The following SCUBE1 variants were observed in gnomAD, a reference collection of about 807,000 sequenced individuals.
The protein encoded by SCUBE1 is signal peptide, CUB and EGF-like domain-containing protein 1.
A neutral mutation model predicts 124.4 loss-of-function variants in SCUBE1; 59 were observed. That is an observed-to-expected ratio of 0.47 (90% CI 0.38 to 0.59). SCUBE1 has a LOEUF of 0.59. Ranked by LOEUF, SCUBE1 falls within the 20% of genes least tolerant of loss-of-function variation. The pLI is 0.00. For missense variants in SCUBE1, 1,150 were observed against 1,371.2 expected, an observed-to-expected ratio of 0.84 and a Z score of 2.55; for synonymous variants, 545 against 550.9, an observed-to-expected ratio of 0.99 and a Z score of 0.15.
intron 5 of SCUBE1, among the ~76,000 whole-genome samples, chr22:43,261,771 T>C (rs759943267): frequency 6.6e-6 from 1 of 152,252 alleles, no homozygotes; most frequent in Non-Finnish European, 1.5e-5. Context: ...TATGAGGCAC[T>C]TGTCTCTTGC....
chr22:43,220,127 A>T (rs550343643), intron 14 of SCUBE1, among the ~76,000 whole-genome samples: 8 of 152,232 alleles, frequency 5.3e-5, no homozygotes, highest in Non-Finnish European at 7.4e-5. Flanking sequence ...CAACCATTCT[A>T]GGGGGGCTGC....
intron 15 of SCUBE1, 68 bp downstream of exon 15, chr22:43,218,187 T>C (rs1921921610): frequency 6.6e-7 from 1 of 1,519,620 alleles, no homozygotes; most frequent in South Asian, 1.1e-5. Context: ...TGCCCACCAC[T>C]GTTTACCCCG....
At chr22:43,324,269 C>T (rs999934910) in intron 2 of SCUBE1, among the ~76,000 whole-genome samples, 2 of 152,226 alleles carry the variant, frequency 1.3e-5, no homozygotes, top group Non-Finnish European at 2.9e-5. Context: ...GTCAATAAAA[C>T]AACTCTAGCC....
chr22:43,299,821 T>C (rs1925700141), intron 3 of SCUBE1, among the ~76,000 whole-genome samples: 2 of 152,234 alleles, frequency 1.3e-5, no homozygotes, highest in African/African-American at 4.8e-5. Context: ...AAACCACATG[T>C]CTACTTTCCA....
At chr22:43,233,932 T>C (rs1374797952) in intron 7 of SCUBE1, among the ~76,000 whole-genome samples, 2 of 151,506 alleles carry the variant, frequency 1.3e-5, no homozygotes, top group Admixed American at 1.3e-4. Flanking sequence ...TCTGGTATCA[T>C]CTCGTGTGAC....
intron 2 of SCUBE1, among the ~76,000 whole-genome samples, chr22:43,335,030 A>G (rs1020102427): frequency 1.3e-5 from 2 of 152,222 alleles, no homozygotes; most frequent in Admixed American, 1.3e-4. Context: ...ACAGATAGGA[A>G]TAACCACCTG....
intron 2 of SCUBE1, among the ~76,000 whole-genome samples, chr22:43,323,751 TCATC>T (rs1926635376): frequency 6.6e-6 from 1 of 152,124 alleles, no homozygotes; most frequent in Admixed American, 6.5e-5. Flanking sequence ...ACCTACCCAT[TCATC>T]CATCCAAACT....
intron 6 of SCUBE1, among the ~76,000 whole-genome samples, chr22:43,252,370 C>T (rs1171148227): frequency 2.0e-5 from 3 of 152,218 alleles, no homozygotes; most frequent in Non-Finnish European, 4.4e-5. Context: ...TCCTCCCCTC[C>T]GTGGTTTCTA....
chr22:43,269,253 C>G (rs931174334), intron 4 of SCUBE1, among the ~76,000 whole-genome samples: 1 of 152,164 alleles, frequency 6.6e-6, no homozygotes, highest in African/African-American at 2.4e-5. Context: ...CCTGGCAGCC[C>G]TTCCCCACCG....
At chr22:43,275,604 C>T (rs1246497607) in intron 4 of SCUBE1, among the ~76,000 whole-genome samples, 7 of 152,198 alleles carry the variant, frequency 4.6e-5, no homozygotes, top group Non-Finnish European at 1.5e-5. Context: ...GACGTGCACG[C>T]CTGCCTAAGA....
Position 43,262,299 on chromosome 22 carries a change from G to A in SCUBE1, c.610+421C>T, listed in dbSNP as rs188842303. Among the ~76,000 whole-genome samples, 618 of 152,216 alleles carry A rather than the reference G, an allele frequency of 4.1e-3. 1 individual carries two copies. The highest frequency in any genetic ancestry group is 0.014 in the African/African-American group (575 of 41,538). On this transcript the variant is annotated intron_variant, in intron 5 of 21. Coordinates refer to ENST00000360835, the MANE Select transcript of SCUBE1 (RefSeq NM_173050.5). ...GTGCAGAGTTCTGATCTTTGGTCCCGGAAAAAAGGTCAGCACAGCCCGGAA... is the reference window on the plus strand; with the variant it reads ...GTGCAGAGTTCTGATCTTTGGTCCCAGAAAAAAGGTCAGCACAGCCCGGAA...
intron 2 of SCUBE1, among the ~76,000 whole-genome samples, chr22:43,327,070 A>G (rs978436562): frequency 5.3e-5 from 8 of 152,174 alleles, no homozygotes; most frequent in Admixed American, 2.6e-4. Context: ...AGCATGTTCA[A>G]AGGCATCCTC....
intron 14 of SCUBE1, among the ~76,000 whole-genome samples, chr22:43,219,755 G>A (rs1014341727): frequency 5.3e-5 from 8 of 152,124 alleles, no homozygotes; most frequent in Admixed American, 1.3e-4. Context: ...GATTACAGGC[G>A]TGAGCCAGTG....
Position 43,210,252 on chromosome 22 carries a change from G to GAGC in SCUBE1, c.2384-13_2384-12insGCT. 1 of 1,510,400 alleles carries GAGC rather than the reference G, an allele frequency of 6.6e-7. No individual in the cohort carries two copies. Among genetic ancestry groups the GAGC allele is most frequent in the South Asian group, 1.3e-5 (1 of 77,750 alleles). 93.6% of individuals were successfully genotyped at this position (1,510,400 alleles called of 1,614,324 possible). On this transcript the variant is annotated splice_polypyrimidine_tract_variant and intron_variant, in intron 18 of 21. Coordinates refer to ENST00000360835, the MANE Select transcript of SCUBE1 (RefSeq NM_173050.5). This position sits in a 1 kb window ranked among gnomAD's most constrained non-coding sequence, Gnocchi z 4.5. Reference sequence around the variant, plus strand: ...GCCGCAGTGCTGGTCTGTGGGCACAGTGGCCCGAGGGCCTCATCAGGCTCT... The same window carrying GAGC: ...GCCGCAGTGCTGGTCTGTGGGCACAGAGCTGGCCCGAGGGCCTCATCAGGCTCT...
chr22:43,228,318 G>A (rs539208998), intron 9 of SCUBE1, among the ~76,000 whole-genome samples: 20 of 152,244 alleles, frequency 1.3e-4, no homozygotes, highest in Non-Finnish European at 2.4e-4. Context: ...TTGTTCCGTC[G>A]CTGCCCACCC....
rs772737678 is a variant in SCUBE1 at position 43,203,990 on chromosome 22, C to T, written c.*7G>A. Reference sequence around the variant, plus strand: ...AGGCCACCCCCAGGCAGGGCCGCTCCCCCCGGTTATTTGTAGGGCCGCAGG... The same window carrying T: ...AGGCCACCCCCAGGCAGGGCCGCTCTCCCCGGTTATTTGTAGGGCCGCAGG... On this transcript the variant is annotated 3_prime_UTR_variant, in exon 22 of 22. Transcript: ENST00000360835. 3 of 1,613,956 alleles carry T rather than the reference C, an allele frequency of 1.9e-6. No homozygotes were observed. In the South Asian group the frequency reaches 3.3e-5, roughly 18 times the overall value.
chr22:43,224,411 G>A (rs1009916528), intron 10 of SCUBE1, among the ~76,000 whole-genome samples: 2 of 152,208 alleles, frequency 1.3e-5, no homozygotes, highest in Non-Finnish European at 2.9e-5. Context: ...GCTTTTGCTT[G>A]ACTATTAGAT....
At chr22:43,317,743 G>C (rs1376727998) in intron 3 of SCUBE1, among the ~76,000 whole-genome samples, 1 of 152,236 alleles carries the variant, frequency 6.6e-6, no homozygotes, top group Non-Finnish European at 1.5e-5. Flanking sequence ...GTTACAGGTT[G>C]AATTATGTCC....
Position 43,343,163 on chromosome 22 carries a change from C to A in SCUBE1, c.88+11G>T. 8.7e-7 allele frequency: 1 copy of A among 1,155,252 alleles called. No individual in the cohort carries two copies. Among genetic ancestry groups the A allele is most frequent in the South Asian group, 3.8e-5 (1 of 26,580 alleles). The allele number at this position is 1,155,252 out of a possible 1,614,324, so 71.6% of individuals were successfully genotyped here. A position where few individuals can be genotyped will look rare whatever the true frequency, so the allele number is the denominator to read the frequency against. The stretch of plus-strand genomic sequence containing the variant: ...CGCGCCCGCCGCCCCCCACCTCGGT[C>A]GGGGGCTTACCTGGGAGCCCGCTGC... On this transcript the variant is annotated intron_variant, in intron 1 of 21. Coordinates refer to ENST00000360835, the MANE Select transcript of SCUBE1 (RefSeq NM_173050.5).
Sources: allele counts gnomAD v4.1 joint callset (sites outside exome capture counted in the v4.1 genomes callset), GRCh38; gene constraint gnomAD v4.1.1; non-coding constraint Gnocchi (gnomAD v3.1); transcripts MANE v1.5; gene names NCBI Gene and HGNC (gene_info 2026-07-23, HGNC 2026-07-21).